The following EEPD1 variants were observed in gnomAD, a reference collection of about 807,000 sequenced individuals.
The protein encoded by EEPD1 is endonuclease/exonuclease/phosphatase family domain containing 1, also known as endonuclease/exonuclease/phosphatase family domain-containing protein 1.
EEPD1 carries 17 observed loss-of-function variants against 46.3 expected under a neutral mutation model. That is an observed-to-expected ratio of 0.37 (90% CI 0.25 to 0.55). EEPD1 has a LOEUF of 0.55. Ranked by LOEUF, EEPD1 falls within the 20% of genes least tolerant of loss-of-function variation. The pLI, the probability that EEPD1 is intolerant of heterozygous loss-of-function variation, is 0.83. For synonymous variants in EEPD1, 313 were observed against 315.6 expected (o/e 0.99, Z 0.09); for missense variants, 673 against 745.6 (o/e 0.90, Z 1.13).
intron 2 of EEPD1, among the ~76,000 whole-genome samples, chr7:36,206,417 A>C (rs919395580): frequency 1.3e-5 from 2 of 152,078 alleles, no homozygotes; most frequent in African/African-American, 4.8e-5. Context: ...CTATTAAGGA[A>C]ATGTTTTACA....
intron 2 of EEPD1, among the ~76,000 whole-genome samples, chr7:36,232,692 A>G (rs1021446984): frequency 6.7e-6 from 1 of 150,294 alleles, no homozygotes; most frequent in Non-Finnish European, 1.5e-5. Context: ...AGCTGAATCT[A>G]AGTTCAGTGG....
In EEPD1 at chr7:36,272,506, GT is replaced by G. The variant is rs111825287; in HGVS notation, c.931-8593del. Among the ~76,000 whole-genome samples, 1,030 of 130,466 alleles carry G rather than the reference GT, an allele frequency of 7.9e-3. 7 individuals carry two copies. Among genetic ancestry groups the G allele is most frequent in the African/African-American group, 0.026 (950 of 36,034 alleles). 85.6% of individuals were successfully genotyped at this position (130,466 alleles called of 152,430 possible). A position where few individuals can be genotyped will look rare whatever the true frequency, so the allele number is the denominator to read the frequency against. ...AAGGTTTTTCTGGTTTTTTGTTGTT[GT>G]TTTTTTTTTTTTTTTGTGCTCCCTT... is the stretch of plus-strand genomic sequence containing the variant. On this transcript the variant is annotated intron_variant, in intron 3 of 7. Coordinates refer to ENST00000242108, the MANE Select transcript of EEPD1 (RefSeq NM_030636.3).
intron 3 of EEPD1, among the ~76,000 whole-genome samples, chr7:36,263,346 A>G (rs545964049): frequency 1.3e-5 from 2 of 152,152 alleles, no homozygotes; most frequent in African/African-American, 2.4e-5. Context: ...AGGGGGGGGA[A>G]AAAGCAGAGT....
intron 2 of EEPD1, among the ~76,000 whole-genome samples, chr7:36,206,492 C>T (rs976668861): frequency 2.0e-5 from 3 of 152,122 alleles, no homozygotes; most frequent in African/African-American, 7.2e-5. Context: ...CCAGTGGCCA[C>T]ATGTGGCTTA....
chr7:36,284,916 C>G lies in EEPD1; in HGVS notation c.1176+96C>G. ...GTAATAGCATGAGTAAGAGAAGTCT[C>G]GTCTTTTTGCCTTGATTTCAGCCTC... is the stretch of plus-strand genomic sequence containing the variant. On this transcript the variant is annotated intron_variant, in intron 5 of 7. Transcript: ENST00000242108. The G allele has an allele frequency of 2.9e-6, 4 of 1,369,472 alleles. 1 individual carries two copies. The South Asian group carries it at 6.9e-5, about 23-fold the overall frequency. The allele number at this position is 1,369,472 out of a possible 1,614,324, so 84.8% of individuals were successfully genotyped here. A position where few individuals can be genotyped will look rare whatever the true frequency, so the allele number is the denominator to read the frequency against.
chr7:36,204,282 C>T (rs1785771800), intron 2 of EEPD1, among the ~76,000 whole-genome samples: 1 of 152,112 alleles, frequency 6.6e-6, no homozygotes, highest in Non-Finnish European at 1.5e-5. Flanking sequence ...GCGATCCTCC[C>T]ACCTCAGCGT....
intron 2 of EEPD1, among the ~76,000 whole-genome samples, chr7:36,158,358 CTTAAA>C (rs139722870): frequency 0.11 from 16,853 of 152,016 alleles, 953 homozygotes; most frequent in Non-Finnish European, 0.13. Context: ...GTCACAGTGT[CTTAAA>C]TTAAATCCAT....
chr7:36,221,808 C>A (rs187320073), intron 2 of EEPD1, among the ~76,000 whole-genome samples: 77 of 152,222 alleles, frequency 5.1e-4, no homozygotes, highest in African/African-American at 1.8e-3. Context: ...TAATAAATGC[C>A]ATTTCAATGA....
chr7:36,155,573 T>C (rs926061324), intron 2 of EEPD1, among the ~76,000 whole-genome samples: 2 of 152,224 alleles, frequency 1.3e-5, no homozygotes, highest in East Asian at 3.8e-4. Context: ...CATTGGATTT[T>C]GTTTATTAAT....
intron 2 of EEPD1, among the ~76,000 whole-genome samples, chr7:36,170,613 CT>C (rs1368085729): frequency 5.1e-5 from 7 of 136,004 alleles, no homozygotes; most frequent in African/African-American, 1.3e-4. Flanking sequence ...ATTAAATTAT[CT>C]TTTTTTCTTC....
At chr7:36,287,829 G>A (rs768131918) in intron 6 of EEPD1, 52 bp downstream of exon 6, 7 of 1,595,288 alleles carry the variant, frequency 4.4e-6, no homozygotes, top group Non-Finnish European at 5.1e-6. Flanking sequence ...AGAGCAGCAG[G>A]GCTGCCTCTT....
Position 36,164,403 on chromosome 7 carries a change from C to CTT in EEPD1, c.878+9201_878+9202insTT, listed in dbSNP as rs1229196538. ...TGGTAAGCACATGATGCCCTACTCACAGCTGATCAAGCCAAGTGTACTCAT... is the reference window on the plus strand; with the variant it reads ...TGGTAAGCACATGATGCCCTACTCACTTAGCTGATCAAGCCAAGTGTACTCAT... On this transcript the variant is annotated intron_variant, in intron 2 of 7. Coordinates refer to ENST00000242108, the MANE Select transcript of EEPD1 (RefSeq NM_030636.3). 5.5e-3 allele frequency among the ~76,000 whole-genome samples: 843 copies of CTT among 152,356 alleles called. 7 individuals are homozygous for CTT. The highest frequency in any genetic ancestry group is 0.02 in the African/African-American group (814 of 41,578).
chr7:36,298,659 A>T (rs1348199420), intron 7 of EEPD1, among the ~76,000 whole-genome samples: 2 of 151,744 alleles, frequency 1.3e-5, no homozygotes, highest in African/African-American at 4.8e-5. Flanking sequence ...TGGACTTGGG[A>T]TGTCTTTATG....
chr7:36,290,857 C>T (rs1029796114), intron 6 of EEPD1, among the ~76,000 whole-genome samples: 14 of 152,262 alleles, frequency 9.2e-5, no homozygotes, highest in South Asian at 2.1e-4. Context: ...ATCAAGGGAG[C>T]GACAAAGGAG....
At chr7:36,188,682 T>C (rs942447290) in intron 2 of EEPD1, among the ~76,000 whole-genome samples, 1 of 152,202 alleles carries the variant, frequency 6.6e-6, no homozygotes, top group Non-Finnish European at 1.5e-5. Flanking sequence ...AGTAAATAGA[T>C]GGTGAAAATT....
At chr7:36,291,513 T>A (rs956152985) in intron 6 of EEPD1, among the ~76,000 whole-genome samples, 1 of 152,174 alleles carries the variant, frequency 6.6e-6, no homozygotes, top group Non-Finnish European at 1.5e-5. Flanking sequence ...GAGGAAGTGG[T>A]CAGCACAGTG....
chr7:36,225,455 T>C lies in EEPD1; in HGVS notation c.879-13530T>C, dbSNP rs1786217418. Among the ~76,000 whole-genome samples, 1 of 152,054 alleles carries C rather than the reference T, an allele frequency of 6.6e-6. No homozygotes were observed. Among genetic ancestry groups the C allele is most frequent in the East Asian group, 1.9e-4 (1 of 5,192 alleles). The stretch of plus-strand genomic sequence containing the variant: ...GCTCACGAGGGACTGTGCGTGAATA[T>C]CAAAGGCCTCACTCAACCACATTCT... On this transcript the variant is annotated intron_variant, in intron 2 of 7. Transcript: ENST00000242108. The surrounding 1 kb of genome is among the most constrained non-coding windows in gnomAD (Gnocchi z 4.2).
chr7:36,274,683 A>T (rs573265097), intron 3 of EEPD1, among the ~76,000 whole-genome samples: 1 of 152,130 alleles, frequency 6.6e-6, no homozygotes, highest in East Asian at 1.9e-4. Context: ...TATATTAGCT[A>T]TTTTTCCTAA....
At chr7:36,155,586 G>C (rs1784813258) in intron 2 of EEPD1, among the ~76,000 whole-genome samples, 1 of 152,184 alleles carries the variant, frequency 6.6e-6, no homozygotes, top group African/African-American at 2.4e-5. Context: ...TTATTAATGG[G>C]AGGGAAAATC....
Sources: gnomAD v4.1 joint callset for allele counts (sites outside exome capture counted in the v4.1 genomes callset) on GRCh38, gnomAD v4.1.1 for gene constraint, Gnocchi (gnomAD v3.1) non-coding constraint, MANE v1.5 for transcripts, NCBI Gene and HGNC (gene_info 2026-07-23, HGNC 2026-07-21) for gene names.